Variants in EYS observed in about 807,000 individuals in gnomAD.
The protein encoded by EYS is protein eyes shut homolog.
Under a neutral mutation model 282.1 loss-of-function variants are expected in EYS, and 250 were observed. That is an observed-to-expected ratio of 0.89 (90% CI 0.80 to 0.98). EYS has a LOEUF of 0.98. Among genes scored for constraint, EYS ranks in the 50% least tolerant of loss-of-function variants. The pLI is 0.00. For missense variants in EYS, 4,016 were observed against 3,709.0 expected (o/e 1.08, Z -2.15); for synonymous variants, 1,355 against 1,282.9 (o/e 1.06, Z -1.20).
At chr6:64,997,792 A>T (rs1771320981) in intron 13 of EYS, 89 bp from the exon 14 acceptor site, 2 of 1,209,992 alleles carry the variant, frequency 1.7e-6, no homozygotes, top group Non-Finnish European at 2.3e-6. Context: ...ATAATCATTT[A>T]TGTAGTTCAC....
intron 22 of EYS, among the ~76,000 whole-genome samples, chr6:64,693,076 T>A (rs1770452812): frequency 6.7e-6 from 1 of 148,532 alleles, no homozygotes; most frequent in Non-Finnish European, 1.5e-5. Flanking sequence ...GGAATATCTT[T>A]TTTAAAAAGC....
intron 26 of EYS, among the ~76,000 whole-genome samples, chr6:64,468,174 T>G (rs1775986462): frequency 6.6e-6 from 1 of 152,172 alleles, no homozygotes; most frequent in Admixed American, 6.5e-5. Flanking sequence ...GTCCAAGGAC[T>G]GGACTGCCTG....
chr6:64,631,371 T>A (rs1767775628), intron 22 of EYS: 2 of 152,146 alleles, frequency 1.3e-5, no homozygotes, highest in Admixed American at 6.5e-5. Context: ...TTTTGTATGG[T>A]TTGCAGCTGT....
At chr6:64,284,515 G>A (rs1768425851) in intron 30 of EYS, among the ~76,000 whole-genome samples, 1 of 152,052 alleles carries the variant, frequency 6.6e-6, no homozygotes, top group African/African-American at 2.4e-5. Flanking sequence ...TACCATTCTG[G>A]GGTCTGGAGG....
intron 28 of EYS, among the ~76,000 whole-genome samples, chr6:64,411,420 C>A (rs370003984): frequency 2.3e-4 from 35 of 151,994 alleles, no homozygotes; most frequent in African/African-American, 8.2e-4. Flanking sequence ...AGTAAGTTGG[C>A]AAAGTTAGAT....
intron 22 of EYS, among the ~76,000 whole-genome samples, chr6:64,726,911 C>T (rs1201883330): frequency 6.6e-6 from 1 of 152,106 alleles, no homozygotes; most frequent in African/African-American, 2.4e-5. Flanking sequence ...GAATAACATG[C>T]ACTTAAGAAC....
intron 33 of EYS, among the ~76,000 whole-genome samples, chr6:64,016,045 C>T (rs886388262): frequency 6.6e-6 from 1 of 152,160 alleles, no homozygotes; most frequent in Admixed American, 6.5e-5. Flanking sequence ...TGCTCCTTTT[C>T]TTTAGCAAAT....
intron 2 of EYS, among the ~76,000 whole-genome samples, chr6:65,575,072 A>G (rs1218292231): frequency 6.6e-6 from 1 of 152,132 alleles, no homozygotes; most frequent in Non-Finnish European, 1.5e-5. Context: ...CTATAATCCT[A>G]GCACTTTGAA....
intron 22 of EYS, among the ~76,000 whole-genome samples, chr6:64,760,944 GAGA>G (rs1229453443): frequency 2.0e-5 from 3 of 152,198 alleles, no homozygotes; most frequent in African/African-American, 7.2e-5. Flanking sequence ...AACTTTCTGG[GAGA>G]AGGAGTAGGA....
intron 14 of EYS, among the ~76,000 whole-genome samples, chr6:64,976,502 T>A (rs75205974): frequency 7.9e-5 from 12 of 151,894 alleles, no homozygotes; most frequent in Non-Finnish European, 2.9e-5. Context: ...TCCTAAATCA[T>A]AGGTGGCCAT....
intron 24 of EYS, among the ~76,000 whole-genome samples, chr6:64,594,177 A>C (rs536035016): frequency 2.0e-4 from 30 of 152,052 alleles, no homozygotes; most frequent in Non-Finnish European, 3.8e-4. Context: ...GTCACTTTCA[A>C]CTCACACCAA....
chr6:64,355,299 GC>G (rs752166933), intron 29 of EYS, among the ~76,000 whole-genome samples: 4 of 151,492 alleles, frequency 2.6e-5, no homozygotes, highest in Non-Finnish European at 5.9e-5. Context: ...TTATCCTGCT[GC>G]TTAGCTATGT....
chr6:64,727,602 A>G (rs1771801445), intron 22 of EYS, among the ~76,000 whole-genome samples: 2 of 152,232 alleles, frequency 1.3e-5, no homozygotes, highest in South Asian at 4.1e-4. Context: ...TTTCTTGTGA[A>G]TGAAGATAAA....
At chr6:65,698,242 T>C (rs1405455488) in intron 1 of EYS, among the ~76,000 whole-genome samples, 6 of 152,148 alleles carry the variant, frequency 3.9e-5, no homozygotes, top group Admixed American at 3.3e-4. Flanking sequence ...GCATTAAAAT[T>C]TGTAAATTTT....
chr6:65,317,825 C>CCTTCCTTCCTTTCTTTCTTT (rs1562092985), intron 11 of EYS, among the ~76,000 whole-genome samples: 22 of 81,210 alleles, frequency 2.7e-4, no homozygotes, highest in Non-Finnish European at 3.3e-4. Flanking sequence ...TTCCTTCCTT[C>CCTTCCTTCCTTTCTTTCTTT]CTTTCTTTCT....
intron 12 of EYS, among the ~76,000 whole-genome samples, chr6:65,065,559 T>TA (rs1773720974): frequency 6.6e-6 from 1 of 151,402 alleles, no homozygotes; most frequent in African/African-American, 2.4e-5. Context: ...TTTTTTTTTT[T>TA]AATTTCTAGT....
chr6:64,083,554 G>T (rs1232410902), intron 31 of EYS, among the ~76,000 whole-genome samples: 6 of 152,148 alleles, frequency 3.9e-5, no homozygotes, highest in Admixed American at 3.9e-4. Context: ...GGGTGGAAAG[G>T]AAAGACTACA....
At chr6:64,261,530 T>A (rs1259867825) in intron 30 of EYS, among the ~76,000 whole-genome samples, 3 of 152,096 alleles carry the variant, frequency 2.0e-5, no homozygotes, top group Non-Finnish European at 4.4e-5. Context: ...AAAAGTTTTC[T>A]CCTTATGTCT....
intron 12 of EYS, among the ~76,000 whole-genome samples, chr6:65,085,594 C>T (rs1304693233): frequency 6.6e-6 from 1 of 152,038 alleles, no homozygotes; most frequent in Non-Finnish European, 1.5e-5. Flanking sequence ...CTGAAATATG[C>T]CCAGAAAAAT....
Sources: allele counts gnomAD v4.1 joint callset (sites outside exome capture counted in the v4.1 genomes callset), GRCh38; gene constraint gnomAD v4.1.1; transcripts MANE v1.5; gene names NCBI Gene and HGNC (gene_info 2026-07-23, HGNC 2026-07-21).